Variants in NEBL observed in about 807,000 individuals in gnomAD.
NEBL encodes the protein nebulette, also known as LIM and SH3 protein 2.
In NEBL, 122 loss-of-function variants were observed where a neutral mutation model predicts 140.2. That is an observed-to-expected ratio of 0.87 (90% CI 0.75 to 1.01). The LOEUF is 1.01. NEBL is among the 50% of genes least tolerant of loss of function. The pLI is 0.00. For synonymous variants in NEBL, 436 were observed against 398.9 expected (o/e 1.09, Z -1.11); for missense variants, 1,365 against 1,231.3 (o/e 1.11, Z -1.62).
intron 3 of NEBL, among the ~76,000 whole-genome samples, chr10:21,237,124 A>T (rs1222735478): frequency 6.6e-6 from 1 of 152,174 alleles, no homozygotes; most frequent in Non-Finnish European, 1.5e-5. Context: ...CCTCCTCCAT[A>T]AAAAATCCAT....
intron 2 of NEBL, among the ~76,000 whole-genome samples, chr10:21,144,264 G>C (rs1448166993): frequency 6.6e-6 from 1 of 152,226 alleles, no homozygotes; most frequent in Admixed American, 6.5e-5. Context: ...ACCTGCAGAT[G>C]GGGCTGGATG....
chr10:21,278,211 C>T lies in NEBL; in HGVS notation n.182+14619G>A, dbSNP rs188816107. Among the ~76,000 whole-genome samples the T allele has an allele frequency of 3.0e-4, 46 of 152,210 alleles. 1 individual carries two copies. Among genetic ancestry groups the T allele is most frequent in the Middle Eastern group, 3.4e-3 (1 of 294 alleles). ...GTCCCAGCTACTCGGGAGCCTGAGG[C>T]GGGAGAATTGCTTGAGCCCAGGAGT... On this transcript the variant is annotated intron_variant and non_coding_transcript_variant, in intron 1 of 8. Coordinates refer to the NEBL transcript ENST00000675702.
At chr10:20,810,291 T>A (rs1251526435) in intron 24 of NEBL, among the ~76,000 whole-genome samples, 2 of 152,200 alleles carry the variant, frequency 1.3e-5, no homozygotes, top group Non-Finnish European at 2.9e-5. Flanking sequence ...AAATGTTTGA[T>A]TATAGTTTCT....
At chr10:21,169,049 C>CAAAAAAAAAAAAAAAA (rs147147865) in intron 2 of NEBL, among the ~76,000 whole-genome samples, 1 of 25,530 alleles carries the variant, frequency 3.9e-5, no homozygotes, top group African/African-American at 1.4e-4. Context: ...ACTCCGTCTA[C>CAAAAAAAAAAAAAAAA]AAAAAAAAAA....
At position 20,822,019 on chromosome 10, in the gene NEBL, G is replaced by C. The variant is rs535466807; in HGVS notation, c.1962+1189C>G. 3.9e-5 allele frequency among the ~76,000 whole-genome samples: 6 copies of C among 152,168 alleles called. No individual in the cohort carries two copies. In the South Asian group the frequency reaches 8.3e-4, roughly 21 times the overall value. On this transcript the variant is annotated intron_variant, in intron 19 of 27. Transcript: ENST00000377122. ...TCTTTGTCTCTGCCACTGCATAGCC[G>C]TCCTTCTGCGTTTGCACAGCACTTT...
At chr10:21,145,819 C>G (rs1394808369) in intron 2 of NEBL, among the ~76,000 whole-genome samples, 1 of 152,154 alleles carries the variant, frequency 6.6e-6, no homozygotes, top group East Asian at 1.9e-4. Context: ...GCTCCGGCAG[C>G]TGGAGAGTAA....
chr10:20,882,335 GAGGAAAAGGAAA>G (rs1481798750), intron 4 of NEBL, among the ~76,000 whole-genome samples: 1 of 146,800 alleles, frequency 6.8e-6, no homozygotes, highest in African/African-American at 2.5e-5. Flanking sequence ...GGAGAGGAGA[GAGGAAAAGGAAA>G]AGGGGAAGGG....
chr10:21,020,024 A>G, intron 3 of NEBL: 1 of 1,144,340 alleles, frequency 8.7e-7, no homozygotes, highest in Non-Finnish European at 1.3e-6. Flanking sequence ...CTGGTGACCC[A>G]GCAGGAACAG....
chr10:20,818,694 T>C, intron 20 of NEBL: 5 of 676,466 alleles, frequency 7.4e-6, no homozygotes, highest in Non-Finnish European at 9.1e-6. Flanking sequence ...GGATAGAAAG[T>C]GGGTCTTACC....
intron 3 of NEBL, among the ~76,000 whole-genome samples, chr10:21,229,733 A>G (rs1465147970): frequency 6.6e-6 from 1 of 152,216 alleles, no homozygotes; most frequent in African/African-American, 2.4e-5. Context: ...AGATGGGCCT[A>G]GCTTTCAGTC....
chr10:20,889,626 T>C (rs895663610), intron 3 of NEBL, among the ~76,000 whole-genome samples: 1 of 152,132 alleles, frequency 6.6e-6, no homozygotes, highest in African/African-American at 2.4e-5. Context: ...AGTCAAAATA[T>C]AGACATATAT....
intron 2 of NEBL, among the ~76,000 whole-genome samples, chr10:21,134,080 G>A (rs1261748465): frequency 6.6e-6 from 1 of 152,044 alleles, no homozygotes; most frequent in African/African-American, 2.4e-5. Flanking sequence ...ATAAAAATTA[G>A]CCAAGCATGG....
intron 2 of NEBL, among the ~76,000 whole-genome samples, chr10:21,119,139 C>T (rs1433408451): frequency 6.6e-6 from 1 of 152,160 alleles, no homozygotes; most frequent in Non-Finnish European, 1.5e-5. Flanking sequence ...TTTGTGGATA[C>T]TATGTCTTCT....
chr10:20,896,998 C>G lies in NEBL; in HGVS notation c.113G>C (p.Ser38Thr), dbSNP rs375265257. The change falls in exon 2 of 28, where the codon AGC becomes ACC. Residue 38 changes from serine to threonine, a missense_variant. Around this residue, in one of 2 missense-constraint regions of NEBL, gnomAD observed 1,323 missense variants for 1,154.8 expected, o/e 1.15. Coordinates refer to ENST00000377122, the MANE Select transcript of NEBL (RefSeq NM_006393.3). Reference protein sequence around the residue: ...VFYKPVIEDLSMELARKCTEL... With the variant: ...VFYKPVIEDLTMELARKCTEL... ...CGTGCATTTTCTGGCCAATTCCATG[C>G]TTAAGTCTTCAATAACAGGCTTATA... 1 of 1,613,940 alleles carries G rather than the reference C, an allele frequency of 6.2e-7. No homozygotes were observed. The highest frequency in any genetic ancestry group is 1.1e-5 in the South Asian group (1 of 91,070).
At chr10:20,932,420 T>C (rs972263670) in intron 4 of NEBL, among the ~76,000 whole-genome samples, 1 of 143,992 alleles carries the variant, frequency 6.9e-6, no homozygotes, top group Non-Finnish European at 1.5e-5. Flanking sequence ...GGCCTGGGGC[T>C]GGGGGGTGGG....
chr10:21,100,302 C>G (rs1837417467), intron 2 of NEBL, among the ~76,000 whole-genome samples: 1 of 152,234 alleles, frequency 6.6e-6, no homozygotes, highest in African/African-American at 2.4e-5. Context: ...GACTGTGTTT[C>G]TTTCATCCCA....
In NEBL at chr10:21,095,330, C is replaced by CAGGTA. The variant is rs1486368970; in HGVS notation, c.165-75130_165-75129insTACCT. Among the ~76,000 whole-genome samples the CAGGTA allele has an allele frequency of 1.1e-4, 4 of 36,036 alleles. No individual in the cohort carries two copies. The East Asian group carries it at 1.8e-3, about 16-fold the overall frequency. The allele number at this position is 36,036 out of a possible 152,430, so 23.6% of individuals were successfully genotyped here. ...CAGGGAAATTCTAGCCTAAGAAAAG[C>CAGGTA]AGATAAAAGATAAGACGAACATGGT... On this transcript the variant is annotated intron_variant, in intron 2 of 6. Coordinates refer to the NEBL transcript ENST00000417816.
intron 16 of NEBL, among the ~76,000 whole-genome samples, chr10:20,828,919 G>C (rs995659338): frequency 6.6e-6 from 1 of 152,114 alleles, no homozygotes; most frequent in African/African-American, 2.4e-5. Context: ...TTGAAGTTGA[G>C]ATTAAAATCT....
At chr10:21,236,221 G>T (rs2132259370) in intron 3 of NEBL, among the ~76,000 whole-genome samples, 2 of 152,174 alleles carry the variant, frequency 1.3e-5, no homozygotes, top group East Asian at 3.9e-4. Flanking sequence ...GCAGTTTGGA[G>T]TTATAGCTAG....
Sources: allele counts gnomAD v4.1 joint callset (sites outside exome capture counted in the v4.1 genomes callset), GRCh38; gene constraint gnomAD v4.1.1; regional missense constraint gnomAD v4.1.1; transcripts MANE v1.5; gene names NCBI Gene and HGNC (gene_info 2026-07-23, HGNC 2026-07-21).